The following WWOX variants were observed in gnomAD, a reference collection of about 807,000 sequenced individuals.
The protein encoded by WWOX is WW domain-containing oxidoreductase.
A neutral mutation model predicts 46.2 loss-of-function variants in WWOX; 69 were observed. That is an observed-to-expected ratio of 1.49 (90% CI 1.23 to 1.82). The LOEUF (loss-of-function observed/expected upper bound fraction) is 1.82, where lower values mean the gene tolerates loss of function less well. Ranked by LOEUF, WWOX falls within the 40% of genes most tolerant of loss-of-function variation. The pLI is 0.00. For synonymous variants in WWOX, 359 were observed against 202.6 expected (o/e 1.77, Z -6.56); for missense variants, 919 against 542.6 (o/e 1.69, Z -6.89).
chr16:78,484,413 GA>G (rs2084578172), intron 8 of WWOX, among the ~76,000 whole-genome samples: 1 of 152,018 alleles, frequency 6.6e-6, no homozygotes, highest in African/African-American at 2.4e-5. Flanking sequence ...TGAATTGGTC[GA>G]TATACTCTGT....
intron 8 of WWOX, among the ~76,000 whole-genome samples, chr16:78,826,395 C>T (rs2051658001): frequency 6.6e-6 from 1 of 152,200 alleles, no homozygotes; most frequent in African/African-American, 2.4e-5. Flanking sequence ...GGAGGCCAGA[C>T]ATTCAGAATC....
At chr16:78,964,603 A>G (rs1365518055) in intron 8 of WWOX, among the ~76,000 whole-genome samples, 1 of 152,244 alleles carries the variant, frequency 6.6e-6, no homozygotes, top group Non-Finnish European at 1.5e-5. Flanking sequence ...TGATTGTGCG[A>G]TAGAAAAGAA....
At chr16:79,005,570 C>A (rs762093109) in intron 8 of WWOX, among the ~76,000 whole-genome samples, 1 of 152,218 alleles carries the variant, frequency 6.6e-6, no homozygotes, top group Admixed American at 6.5e-5. Flanking sequence ...TTCCTGGCAA[C>A]CTTTGGTGTT....
At chr16:79,137,953 G>A (rs937894254) in intron 8 of WWOX, among the ~76,000 whole-genome samples, 1 of 152,156 alleles carries the variant, frequency 6.6e-6, no homozygotes. Context: ...TTTTGAGGAT[G>A]AAATTGGTAA....
At chr16:78,491,234 C>G (rs926518415) in intron 8 of WWOX, among the ~76,000 whole-genome samples, 1 of 152,176 alleles carries the variant, frequency 6.6e-6, no homozygotes, top group African/African-American at 2.4e-5. Context: ...AATCACCTTC[C>G]CTCTCAGTCA....
chr16:78,989,750 A>T (rs534593642), intron 8 of WWOX, among the ~76,000 whole-genome samples: 2 of 151,106 alleles, frequency 1.3e-5, no homozygotes, highest in South Asian at 4.2e-4. Flanking sequence ...GGGCGGTGAG[A>T]TGCTGAGAGT....
chr16:78,229,498 ATC>A (rs1280697442), intron 5 of WWOX, among the ~76,000 whole-genome samples: 1,326 of 114,700 alleles, frequency 0.012, 25 homozygotes, highest in African/African-American at 0.041. Flanking sequence ...ATATATATTT[ATC>A]TATATCTATA....
chr16:78,668,407 C>T (rs992837227), intron 8 of WWOX, among the ~76,000 whole-genome samples: 5 of 152,338 alleles, frequency 3.3e-5, no homozygotes, highest in East Asian at 1.9e-4. Flanking sequence ...AGATAAATGT[C>T]GTAAGGTAAC....
At chr16:78,722,760 G>C (rs1404554443) in intron 8 of WWOX, among the ~76,000 whole-genome samples, 2 of 148,864 alleles carry the variant, frequency 1.3e-5, no homozygotes, top group South Asian at 2.1e-4. Flanking sequence ...CCTGTGAAGA[G>C]CTGGGTGTGG....
chr16:78,961,226 A>G (rs965851637), intron 8 of WWOX, among the ~76,000 whole-genome samples: 18 of 152,220 alleles, frequency 1.2e-4, no homozygotes, highest in Admixed American at 3.3e-4. Context: ...TATGCAGATT[A>G]ACGAGGAAAA....
At chr16:78,887,514 CACA>C (rs2044492757) in intron 8 of WWOX, among the ~76,000 whole-genome samples, 2 of 75,006 alleles carry the variant, frequency 2.7e-5, no homozygotes, top group Admixed American at 1.4e-4. Context: ...CACACACACA[CACA>C]CAAGAAATGA....
At chr16:78,446,301 G>A (rs535085617) in intron 8 of WWOX, among the ~76,000 whole-genome samples, 1 of 152,286 alleles carries the variant, frequency 6.6e-6, no homozygotes, top group African/African-American at 2.4e-5. Context: ...GCTTTTGACT[G>A]AGGAGGTCTT....
At chr16:78,410,805 C>CAAAA (rs61207788) in intron 6 of WWOX, among the ~76,000 whole-genome samples, 92 of 74,968 alleles carry the variant, frequency 1.2e-3, no homozygotes, top group African/African-American at 3.3e-3. Context: ...GGCCCCACCT[C>CAAAA]AAAAAAAAAA....
intron 8 of WWOX, among the ~76,000 whole-genome samples, chr16:78,549,518 C>G (rs1597250460): frequency 6.6e-6 from 1 of 152,258 alleles, no homozygotes; most frequent in African/African-American, 2.4e-5. Context: ...GCTATCTCGA[C>G]TTCTGTGTGT....
intron 5 of WWOX, among the ~76,000 whole-genome samples, chr16:78,336,945 AT>A (rs1275066033): frequency 1.3e-5 from 2 of 151,772 alleles, no homozygotes; most frequent in Non-Finnish European, 2.9e-5. Context: ...TGCCCGGCTA[AT>A]TTTTTGTATT....
intron 8 of WWOX, among the ~76,000 whole-genome samples, chr16:79,039,220 G>T (rs568860655): frequency 6.6e-6 from 1 of 152,078 alleles, no homozygotes; most frequent in African/African-American, 2.4e-5. Context: ...TTTGTTCAGG[G>T]GTTGCAGAAT....
chr16:78,699,257 G>T (rs893620344), intron 8 of WWOX, among the ~76,000 whole-genome samples: 2 of 152,150 alleles, frequency 1.3e-5, no homozygotes, highest in African/African-American at 2.4e-5. Context: ...CATGCAGCAC[G>T]GTGTGATGGC....
chr16:78,498,394 C>G (rs1011098365), intron 8 of WWOX, among the ~76,000 whole-genome samples: 1 of 152,136 alleles, frequency 6.6e-6, no homozygotes. Flanking sequence ...CTTCCCACCC[C>G]TTCCCCACCT....
intron 8 of WWOX, among the ~76,000 whole-genome samples, chr16:78,440,810 G>T (rs528142948): frequency 6.6e-6 from 1 of 152,040 alleles, no homozygotes; most frequent in African/African-American, 2.4e-5. Flanking sequence ...GTAGAAGCGG[G>T]GTTTCAACAT....
Sources: gnomAD v4.1 joint callset for allele counts (sites outside exome capture counted in the v4.1 genomes callset) on GRCh38, gnomAD v4.1.1 for gene constraint, MANE v1.5 for transcripts, NCBI Gene and HGNC (gene_info 2026-07-23, HGNC 2026-07-21) for gene names.